Variants in NFATC3 observed in about 807,000 individuals in gnomAD.
The protein encoded by NFATC3 is nuclear factor of activated T-cells, cytoplasmic 3.
In NFATC3, 46 loss-of-function variants were observed where a neutral mutation model predicts 98.6. That is an observed-to-expected ratio of 0.47 (90% CI 0.37 to 0.60). The LOEUF (loss-of-function observed/expected upper bound fraction) is 0.60. NFATC3 is among the 20% of genes least tolerant of loss of function. The pLI is 0.00. For synonymous variants in NFATC3, 512 were observed against 472.2 expected (o/e 1.08, Z -1.09); for missense variants, 1,256 against 1,295.5 (o/e 0.97, Z 0.47).
chr16:68,097,447 CAA>C (rs991839262), intron 1 of NFATC3, among the ~76,000 whole-genome samples: 7 of 151,244 alleles, frequency 4.6e-5, no homozygotes, highest in African/African-American at 1.5e-4. Context: ...GTGTAGAGCT[CAA>C]AAGAGAAACT....
intron 9 of NFATC3, chr16:68,225,328 C>A: frequency 6.6e-6 from 1 of 152,362 alleles, no homozygotes. Context: ...CTGTTTCTCC[C>A]TCTCTACAAC....
rs530176016 is a variant in NFATC3, at chr16:68,206,568, G to A, written c.3106+14793G>A. Among the ~76,000 whole-genome samples the A allele has an allele frequency of 5.3e-5, 8 of 152,184 alleles. No individual in the cohort carries two copies. The East Asian group carries it at 5.8e-4, about 11-fold the overall frequency. On this transcript the variant is annotated intron_variant, in intron 9 of 9. Transcript: ENST00000346183. ...AGGCTCATCCATATTGTAAGCATAC[G>A]GAGGAATAATCTATTGGAATATTTT...
intron 4 of NFATC3, among the ~76,000 whole-genome samples, chr16:68,164,096 C>T (rs528509141): frequency 6.6e-6 from 1 of 152,330 alleles, no homozygotes; most frequent in African/African-American, 2.4e-5. Context: ...CGCCACTGCA[C>T]TCCAGCCTAG....
chr16:68,087,133 C>G (rs1308337230), intron 1 of NFATC3, among the ~76,000 whole-genome samples: 1 of 152,096 alleles, frequency 6.6e-6, no homozygotes, highest in Non-Finnish European at 1.5e-5. Context: ...TGAATTGTAT[C>G]TAGATTATCG....
At chr16:68,226,139 CTGAA>C in intron 9 of NFATC3, 1 of 461,888 alleles carries the variant, frequency 2.2e-6, no homozygotes, top group Non-Finnish European at 3.7e-6. Flanking sequence ...CCAAAATGAA[CTGAA>C]TGAGAGAGAA....
chr16:68,159,896 G>A lies in NFATC3; in HGVS notation c.1601+1828G>A, dbSNP rs568977375. 1.7e-3 allele frequency among the ~76,000 whole-genome samples: 263 copies of A among 151,962 alleles called. 4 individuals are homozygous for A. Among genetic ancestry groups the A allele is most frequent in the Non-Finnish European group, 1.4e-3 (94 of 67,948 alleles). On this transcript the variant is annotated intron_variant, in intron 4 of 9. Coordinates refer to ENST00000346183, the MANE Select transcript of NFATC3 (RefSeq NM_173165.3). ...AGTTTGAGACCAGCCTGGCCAACATGGTGAAACCCGTCTCTGCTAAAAATA... is the reference window on the plus strand; with the variant it reads ...AGTTTGAGACCAGCCTGGCCAACATAGTGAAACCCGTCTCTGCTAAAAATA...
At position 68,085,518 on chromosome 16, in the gene NFATC3, C is replaced by T; in HGVS notation, c.-164C>T. ...CTCGGCGCGCGGCCAGCTTTCGGAA[C>T]GGAACGCTCGGCGTCGCGGGCCCCG... is the stretch of plus-strand genomic sequence containing the variant. On this transcript the variant is annotated 5_prime_UTR_variant, in exon 1 of 10. In the 5' UTR this introduces an upstream ATG that the reference lacks. Coordinates refer to ENST00000346183, the MANE Select transcript of NFATC3 (RefSeq NM_173165.3). 1.7e-6 allele frequency: 1 copy of T among 571,570 alleles called. No individual in the cohort carries two copies. 35.4% of individuals were successfully genotyped at this position (571,570 alleles called of 1,614,324 possible). A position where few individuals can be genotyped will look rare whatever the true frequency, so the allele number is the denominator to read the frequency against.
intron 9 of NFATC3, among the ~76,000 whole-genome samples, chr16:68,197,546 A>G (rs748596965): frequency 4.6e-5 from 7 of 152,228 alleles, no homozygotes; most frequent in Non-Finnish European, 8.8e-5. Flanking sequence ...ACTTGAGCCT[A>G]GTTTGAGGCT....
At chr16:68,220,573 G>A (rs1181900802) in intron 9 of NFATC3, among the ~76,000 whole-genome samples, 1 of 150,950 alleles carries the variant, frequency 6.6e-6, no homozygotes, top group Non-Finnish European at 1.5e-5. Context: ...CACATACTTA[G>A]TGGACTAGAG....
In NFATC3 at chr16:68,183,303, C is replaced by T. The variant is rs1208584321; in HGVS notation, c.2035C>T (p.His679Tyr). 6.2e-7 allele frequency: 1 copy of T among 1,612,942 alleles called. No individual in the cohort carries two copies. The highest frequency in any genetic ancestry group is 1.1e-5 in the South Asian group (1 of 90,850). ...NPAVTAAVQV[H>Y]FYLCNGKRKK... Reference sequence around the variant, plus strand: ...AGCAGTTACAGCTGCAGTGCAGGTGCACTTTTATCTTTGCAATGGCAAGAG... The same window carrying T: ...AGCAGTTACAGCTGCAGTGCAGGTGTACTTTTATCTTTGCAATGGCAAGAG... Residue 679 changes from histidine (H) to tyrosine (Y), a missense_variant, in exon 8 of 10, where the codon CAC (histidine) becomes TAC (tyrosine). By Grantham distance (83) the His-to-Tyr change is moderately conservative (BLOSUM62 2). Transcript: ENST00000346183.
chr16:68,118,034 C>T (rs797011110), intron 1 of NFATC3, among the ~76,000 whole-genome samples: 1 of 152,302 alleles, frequency 6.6e-6, no homozygotes, highest in East Asian at 1.9e-4. Context: ...TAGCTCTACC[C>T]TTTCAGTTGT....
At chr16:68,181,384 A>G in intron 6 of NFATC3, 91 bp from the exon 7 acceptor site, 1 of 847,664 alleles carries the variant, frequency 1.2e-6, no homozygotes, top group Non-Finnish European at 2.0e-6. Flanking sequence ...CCCCTTTGTT[A>G]ATAAATTTGT....
intron 4 of NFATC3, 60 bp downstream of exon 4, chr16:68,158,128 A>T: frequency 9.4e-7 from 1 of 1,060,702 alleles, no homozygotes; most frequent in South Asian, 1.7e-5. Flanking sequence ...TCAGAAAAAA[A>T]GTAAATATAT....
intron 1 of NFATC3, among the ~76,000 whole-genome samples, chr16:68,086,992 G>C (rs2034415102): frequency 1.3e-5 from 2 of 152,216 alleles, no homozygotes; most frequent in Admixed American, 6.5e-5. Context: ...GCTTTTCAAG[G>C]AGTTTGGGAA....
intron 3 of NFATC3, chr16:68,138,789 T>C (rs2037589381): frequency 1.6e-6 from 2 of 1,261,830 alleles, no homozygotes; most frequent in Non-Finnish European, 2.0e-6. Flanking sequence ...CTTAAATCTT[T>C]GGTGGTTAGT....
intron 1 of NFATC3, among the ~76,000 whole-genome samples, chr16:68,089,726 A>G (rs1380158261): frequency 6.6e-6 from 1 of 152,190 alleles, no homozygotes; most frequent in Non-Finnish European, 1.5e-5. Context: ...GTTTGCCATT[A>G]TAAAGGGCAG....
At chr16:68,150,201 A>G (rs2038240281) in intron 3 of NFATC3, among the ~76,000 whole-genome samples, 1 of 152,102 alleles carries the variant, frequency 6.6e-6, no homozygotes, top group Non-Finnish European at 1.5e-5. Context: ...TCTCAGCTCT[A>G]TCAGACCCAG....
At chr16:68,219,339 T>G (rs1240935095) in intron 9 of NFATC3, among the ~76,000 whole-genome samples, 1 of 151,848 alleles carries the variant, frequency 6.6e-6, no homozygotes, top group Non-Finnish European at 1.5e-5. Context: ...GCTGAGATCA[T>G]GCCACTGCAC....
chr16:68,156,930 C>G (rs2038649573), intron 3 of NFATC3, among the ~76,000 whole-genome samples: 1 of 152,036 alleles, frequency 6.6e-6, no homozygotes, highest in Non-Finnish European at 1.5e-5. Context: ...CAGAGCGAGA[C>G]ACTGTCTCAA....
Sources: allele counts gnomAD v4.1 joint callset (sites outside exome capture counted in the v4.1 genomes callset), GRCh38; gene constraint gnomAD v4.1.1; transcripts MANE v1.5; gene names NCBI Gene and HGNC (gene_info 2026-07-23, HGNC 2026-07-21).